PCSK5: variants seen among roughly 807,000 people sequenced by gnomAD.
PCSK5 encodes the protein proprotein convertase subtilisin/kexin type 5.
Under a neutral mutation model 233.2 loss-of-function variants are expected in PCSK5, and 129 were observed. That is an observed-to-expected ratio of 0.55 (90% CI 0.48 to 0.64). The LOEUF (loss-of-function observed/expected upper bound fraction) is 0.64, where lower values mean the gene tolerates loss of function less well. PCSK5 is among the 30% of genes least tolerant of loss of function. The probability of loss-of-function intolerance (pLI) is 0.00; values close to 1 mark genes in which losing one functional copy is unlikely to be tolerated. For synonymous variants in PCSK5, 825 were observed against 879.2 expected (o/e 0.94, Z 1.09); for missense variants, 2,076 against 2,430.1 (o/e 0.85, Z 3.06).
intron 9 of PCSK5, among the ~76,000 whole-genome samples, chr9:76,117,549 C>T (rs1180367316): frequency 6.6e-6 from 1 of 152,070 alleles, no homozygotes; most frequent in Non-Finnish European, 1.5e-5. Context: ...TTTCTGGCAA[C>T]GTTAAGCACA....
intron 16 of PCSK5, among the ~76,000 whole-genome samples, chr9:76,183,798 G>A (rs1049860032): frequency 4.6e-5 from 7 of 152,186 alleles, no homozygotes; most frequent in Admixed American, 4.6e-4. Context: ...GCAGATGGAA[G>A]CCCATGAAGA....
chr9:76,036,768 GTT>G (rs1272924647), intron 5 of PCSK5, among the ~76,000 whole-genome samples: 2 of 152,328 alleles, frequency 1.3e-5, no homozygotes, highest in Non-Finnish European at 2.9e-5. Context: ...GAGCTTGTTT[GTT>G]CTCACACTGT....
chr9:76,169,880 A>G, intron 13 of PCSK5, 40 bp downstream of exon 13: 1 of 1,563,912 alleles, frequency 6.4e-7, no homozygotes, highest in Non-Finnish European at 8.8e-7. Context: ...ACTGTGTAGA[A>G]GAAAATGATG....
intron 6 of PCSK5, among the ~76,000 whole-genome samples, chr9:76,069,518 G>A (rs1489190085): frequency 6.6e-6 from 1 of 150,990 alleles, no homozygotes; most frequent in African/African-American, 2.4e-5. Context: ...AGAACATTCT[G>A]AATAATAAAT....
chr9:75,895,313 A>G (rs1184127514), intron 1 of PCSK5, among the ~76,000 whole-genome samples: 1 of 152,228 alleles, frequency 6.6e-6, no homozygotes. Flanking sequence ...ATTGCTCAGC[A>G]CATAGTTAGG....
intron 1 of PCSK5, among the ~76,000 whole-genome samples, chr9:75,927,934 A>G (rs962271525): frequency 3.3e-5 from 5 of 152,214 alleles, no homozygotes; most frequent in Admixed American, 6.5e-5. Flanking sequence ...TTATTAGTAT[A>G]AAATAGTTTA....
intron 14 of PCSK5, among the ~76,000 whole-genome samples, chr9:76,177,245 G>C (rs988686923): frequency 6.6e-6 from 1 of 151,850 alleles, no homozygotes; most frequent in Non-Finnish European, 1.5e-5. Flanking sequence ...AGTGAGCCGG[G>C]ATCGTGCCAC....
chr9:76,312,996 T>G (rs1828909264), intron 30 of PCSK5, among the ~76,000 whole-genome samples: 1 of 152,174 alleles, frequency 6.6e-6, no homozygotes, highest in Non-Finnish European at 1.5e-5. Context: ...GAAAACATTT[T>G]AAATCACTAT....
At chr9:76,134,064 CT>C (rs376221586) in intron 9 of PCSK5, 44 bp from the exon 10 acceptor site, 142,989 of 866,154 alleles carry the variant, frequency 0.17, no homozygotes, top group East Asian at 0.18. Flanking sequence ...CTTCCCCCAT[CT>C]TTTTTTTTTT....
chr9:75,919,438 C>CTT (rs1564081506), intron 1 of PCSK5, among the ~76,000 whole-genome samples: 1 of 152,028 alleles, frequency 6.6e-6, no homozygotes, highest in Non-Finnish European at 1.5e-5. Context: ...TTTGAGTGAA[C>CTT]GTTAAGTTTT....
Position 75,944,883 on chromosome 9 carries a change from G to A in PCSK5, c.297+12400G>A, listed in dbSNP as rs1375489170. ...CCAGCACATTGGGAGGCCTAGGCAGGCGGATCACCTGAGGTCGGGAGTTCA... is the reference window on the plus strand; with the variant it reads ...CCAGCACATTGGGAGGCCTAGGCAGACGGATCACCTGAGGTCGGGAGTTCA... On this transcript the variant is annotated intron_variant, in intron 2 of 37. Coordinates refer to ENST00000674117, the MANE Select transcript of PCSK5 (RefSeq NM_001372043.1). Among the ~76,000 whole-genome samples the A allele has an allele frequency of 4.6e-5, 7 of 152,140 alleles. No homozygotes were observed. The South Asian group carries it at 8.3e-4, about 18-fold the overall frequency.
intron 5 of PCSK5, among the ~76,000 whole-genome samples, chr9:76,053,170 G>A (rs1279647375): frequency 1.3e-5 from 2 of 152,192 alleles, no homozygotes; most frequent in African/African-American, 4.8e-5. Context: ...TCTGGGGTCT[G>A]GAGGATGGTG....
rs571960359 is a variant in PCSK5 at position 75,952,721 on chromosome 9, G to A, written c.297+20238G>A. 3.3e-5 allele frequency among the ~76,000 whole-genome samples: 5 copies of A among 152,282 alleles called. No homozygotes were observed. The South Asian group carries it at 6.2e-4, about 19-fold the overall frequency. ...ATAAAAAAATGGAATAATTCGGTAT[G>A]TAGTCTTTTGAGTCTGCATTTTTGC... On this transcript the variant is annotated intron_variant, in intron 2 of 37. Coordinates refer to ENST00000674117, the MANE Select transcript of PCSK5 (RefSeq NM_001372043.1).
chr9:75,967,456 C>T (rs1825639590), intron 2 of PCSK5, among the ~76,000 whole-genome samples: 1 of 152,158 alleles, frequency 6.6e-6, no homozygotes, highest in Admixed American at 6.5e-5. Flanking sequence ...TATAGTATTC[C>T]ATGGCGTGTA....
At chr9:75,937,878 A>T (rs1343495778) in intron 2 of PCSK5, among the ~76,000 whole-genome samples, 2 of 152,072 alleles carry the variant, frequency 1.3e-5, no homozygotes, top group Non-Finnish European at 2.9e-5. Flanking sequence ...CAGCTTCCTT[A>T]CGTCTCTCAG....
At chr9:76,025,397 TGAG>T (rs1456698882) in intron 4 of PCSK5, among the ~76,000 whole-genome samples, 2 of 133,118 alleles carry the variant, frequency 1.5e-5, no homozygotes, top group Non-Finnish European at 3.2e-5. Flanking sequence ...GTAAAAAAAA[TGAG>T]GAGAGAGAGA....
Position 75,902,214 on chromosome 9 carries a change from T to TAAAAA in PCSK5, c.192+10866_192+10870dup, listed in dbSNP as rs200579439. On this transcript the variant is annotated intron_variant, in intron 1 of 37. Transcript: ENST00000674117. ...CTGGGTGACAGAGTGAGACACCATCTAAAAAAAAAAAAAAAAAAAAAAAAA... is the reference window on the plus strand; with the variant it reads ...CTGGGTGACAGAGTGAGACACCATCTAAAAAAAAAAAAAAAAAAAAAAAAAAAAAA... Among the ~76,000 whole-genome samples, 413 of 52,850 alleles carry TAAAAA rather than the reference T, an allele frequency of 7.8e-3. 5 individuals are homozygous for TAAAAA. The highest frequency in any genetic ancestry group is 0.015 in the East Asian group (20 of 1,298). The allele number at this position is 52,850 out of a possible 152,430, so 34.7% of individuals were successfully genotyped here.
At chr9:76,031,833 A>G (rs1168964552) in intron 5 of PCSK5, among the ~76,000 whole-genome samples, 3 of 152,236 alleles carry the variant, frequency 2.0e-5, no homozygotes, top group Admixed American at 6.5e-5. Flanking sequence ...CTTGATAAAT[A>G]ACTAGTTAAA....
Position 76,332,454 on chromosome 9 carries a change from G to T in PCSK5, c.4592G>T (p.Cys1531Phe). The T allele has an allele frequency of 6.2e-7, 1 of 1,612,526 alleles. No homozygotes were observed. The highest frequency in any genetic ancestry group is 1.3e-5 in the African/African-American group (1 of 75,036). Residue 1531 changes from cysteine to phenylalanine, a missense_variant, in exon 34 of 38, where the codon TGC becomes TTC. Cys to Phe is a radical substitution (Grantham distance 205). Coordinates refer to ENST00000674117, the MANE Select transcript of PCSK5 (RefSeq NM_001372043.1). ...LLLNTTCVKDCPEGYYADEDS... is the reference protein window; with the variant it reads ...LLLNTTCVKDFPEGYYADEDS... ...ACAGACACAACCTGTGTGAAGGACT[G>T]CCCAGAGGGCTATTATGCCGATGAG... is the stretch of plus-strand genomic sequence containing the variant.
Sources: gnomAD v4.1 joint callset for allele counts (sites outside exome capture counted in the v4.1 genomes callset) on GRCh38, gnomAD v4.1.1 for gene constraint, MANE v1.5 for transcripts, NCBI Gene and HGNC (gene_info 2026-07-23, HGNC 2026-07-21) for gene names.